ERCC8: variants seen among roughly 807,000 people sequenced by gnomAD.
The protein encoded by ERCC8 is DNA excision repair protein ERCC-8.
Under a neutral mutation model 54.9 loss-of-function variants are expected in ERCC8, and 52 were observed. The observed-to-expected ratio is 0.95, with a 90% CI of 0.76 to 1.19. The LOEUF (loss-of-function observed/expected upper bound fraction) is 1.19. ERCC8 is among the 50% of genes most tolerant of loss of function. The pLI is 0.00. For synonymous variants in ERCC8, 146 were observed against 157.2 expected, an observed-to-expected ratio of 0.93 and a Z score of 0.53; for missense variants, 514 against 466.1, an observed-to-expected ratio of 1.10 and a Z score of -0.95.
At chr5:60,877,865 C>T (rs1199427677) in intron 11 of ERCC8, among the ~76,000 whole-genome samples, 1 of 152,180 alleles carries the variant, frequency 6.6e-6, no homozygotes, top group Non-Finnish European at 1.5e-5. Context: ...CCCTTTATTT[C>T]CTTTTCCTGC....
intron 4 of ERCC8, among the ~76,000 whole-genome samples, chr5:60,909,278 A>AAAAAAAAAAG (rs1749180489): frequency 5.8e-5 from 7 of 120,738 alleles, no homozygotes; most frequent in South Asian, 2.7e-4. Flanking sequence ...AAAAAAAAAA[A>AAAAAAAAAAG]GCCACAAAGG....
chr5:60,918,471 T>G (rs918987251), intron 3 of ERCC8, 83 bp from the exon 4 acceptor site: 7 of 1,237,326 alleles, frequency 5.7e-6, no homozygotes, highest in Non-Finnish European at 8.2e-6. Flanking sequence ...AGTAGTAGTC[T>G]CAGGTAGGAT....
chr5:60,906,131 G>T (rs543892777), intron 4 of ERCC8, among the ~76,000 whole-genome samples: 8 of 152,126 alleles, frequency 5.3e-5, no homozygotes, highest in African/African-American at 1.9e-4. Context: ...TTGTGCCTCC[G>T]GAATAATGGC....
Position 60,869,315 on chromosome 5 carries a change from T to A in ERCC8, c.*5300A>T, listed in dbSNP as rs889249499. 2.0e-5 allele frequency among the ~76,000 whole-genome samples: 3 copies of A among 152,216 alleles called. No individual in the cohort carries two copies. Among genetic ancestry groups the A allele is most frequent in the African/African-American group, 7.2e-5 (3 of 41,470 alleles). ...CCATTGTGAAATAGTGATTTTGCTT[T>A]GAAAAATAATTGAGATTAGTTTGCT... On this transcript the variant is annotated 3_prime_UTR_variant, in exon 12 of 12. Transcript: ENST00000676185.
At chr5:60,903,371 A>G in intron 6 of ERCC8, 1 of 384,836 alleles carries the variant, frequency 2.6e-6, no homozygotes, top group Admixed American at 4.4e-5. Context: ...GAGTTGCATT[A>G]GTCTTTTTAA....
chr5:60,927,932 C>T (rs980678048), intron 2 of ERCC8, among the ~76,000 whole-genome samples: 1 of 152,150 alleles, frequency 6.6e-6, no homozygotes, highest in East Asian at 1.9e-4. Flanking sequence ...TCTGACTTGA[C>T]TTAATGTATT....
intron 1 of ERCC8, among the ~76,000 whole-genome samples, chr5:60,942,433 T>C (rs1168298051): frequency 6.6e-6 from 1 of 152,152 alleles, no homozygotes; most frequent in Non-Finnish European, 1.5e-5. Flanking sequence ...AGATAAACTG[T>C]GGTATATCTG....
chr5:60,921,648 T>C (rs1316230596), intron 3 of ERCC8, among the ~76,000 whole-genome samples: 1 of 151,888 alleles, frequency 6.6e-6, no homozygotes, highest in East Asian at 1.9e-4. Flanking sequence ...TTAGTATATC[T>C]AAACCTTTTT....
chr5:60,876,590 T>C (rs2112455037), intron 11 of ERCC8, among the ~76,000 whole-genome samples: 1 of 152,336 alleles, frequency 6.6e-6, no homozygotes, highest in East Asian at 1.9e-4. Context: ...TGTGAGATGG[T>C]ATCTCATTGT....
intron 4 of ERCC8, among the ~76,000 whole-genome samples, chr5:60,906,730 A>AAAATAAAT (rs142093470): frequency 4.0e-5 from 6 of 149,826 alleles, no homozygotes; most frequent in African/African-American, 9.9e-5. Context: ...CTCTGTCTCA[A>AAAATAAAT]AAATAAATAA....
chr5:60,904,748 A>G, intron 5 of ERCC8, 44 bp downstream of exon 5: 1 of 1,244,984 alleles, frequency 8.0e-7, no homozygotes. Flanking sequence ...AAAAAGGGAG[A>G]AAGTTTTCAG....
intron 3 of ERCC8, 111 bp downstream of exon 3, chr5:60,921,943 G>T: frequency 1.5e-6 from 1 of 675,118 alleles, no homozygotes. Context: ...TGTGTTATGT[G>T]AACCATTCGC....
Position 60,874,616 on chromosome 5 carries a change from C to T in ERCC8, c.1190G>A (p.Ter397=), listed in dbSNP as rs1747942027. The T allele has an allele frequency of 6.2e-7, 1 of 1,612,820 alleles. No individual in the cohort carries two copies. The highest frequency in any genetic ancestry group is 8.5e-7 in the Non-Finnish European group (1 of 1,179,354). The part of the protein sequence containing the change: ...DAWSSSDEEG[*] Reference sequence around the variant, plus strand: ...ACAAAAAGGTACTAAAGATGATATTCATCCTTCTTCATCACTGCTGCTCCA... The same window carrying T: ...ACAAAAAGGTACTAAAGATGATATTTATCCTTCTTCATCACTGCTGCTCCA... The change falls in exon 12 of 12, where the codon TGA becomes TAA. Residue 397 remains the stop codon, a stop_retained_variant. Transcript: ENST00000676185.
chr5:60,923,646 T>A (rs1749664782), intron 2 of ERCC8, among the ~76,000 whole-genome samples: 1 of 152,136 alleles, frequency 6.6e-6, no homozygotes, highest in Non-Finnish European at 1.5e-5. Context: ...CTTTCTTTAG[T>A]ATACTTATTT....
intron 9 of ERCC8, chr5:60,891,888 T>C (rs1399430541): frequency 2.2e-6 from 1 of 461,904 alleles, no homozygotes; most frequent in African/African-American, 2.0e-5. Context: ...CCCGTCCCAC[T>C]GGAACTGGTG....
At chr5:60,882,990 CACACACACACACACAT>C (rs1190493977) in intron 11 of ERCC8, among the ~76,000 whole-genome samples, 2 of 151,426 alleles carry the variant, frequency 1.3e-5, no homozygotes, top group African/African-American at 2.4e-5. Context: ...CACACACACA[CACACACACACACACAT>C]GTCTGTAGGT....
At chr5:60,874,796 G>A in intron 11 of ERCC8, 113 bp from the exon 12 acceptor site, 2 of 836,060 alleles carry the variant, frequency 2.4e-6, no homozygotes, top group Non-Finnish European at 1.9e-6. Flanking sequence ...ACATTATTTT[G>A]GAAGAAAATG....
rs1348265140 is a variant in ERCC8, at chr5:60,887,510, C to A, written c.1052G>T (p.Ser351Ile). ...VFQSNFQELYSGSRDCNILAW... is the reference protein window; with the variant it reads ...VFQSNFQELYIGSRDCNILAW... ...CAGAATGTTGCAGTCTCTGCTACCACTATAAAGTTCCTATAACATAGAAGG... is the reference window on the plus strand; with the variant it reads ...CAGAATGTTGCAGTCTCTGCTACCAATATAAAGTTCCTATAACATAGAAGG... Residue 351 changes from serine to isoleucine, a missense_variant, in exon 11 of 12, where the codon AGT becomes ATT. By Grantham distance (142) the Ser-to-Ile change is moderately radical. Coordinates refer to ENST00000676185, the MANE Select transcript of ERCC8 (RefSeq NM_000082.4). The A allele has an allele frequency of 6.2e-7, 1 of 1,613,316 alleles. No homozygotes were observed. The highest frequency in any genetic ancestry group is 8.5e-7 in the Non-Finnish European group (1 of 1,179,434).
intron 4 of ERCC8, chr5:60,917,641 T>C (rs901432956): frequency 6.6e-6 from 1 of 152,248 alleles, no homozygotes; most frequent in African/African-American, 2.4e-5. Flanking sequence ...TTTAATGAGA[T>C]GTGATCATGT....
Sources: gnomAD v4.1 joint callset for allele counts (sites outside exome capture counted in the v4.1 genomes callset) on GRCh38, gnomAD v4.1.1 for gene constraint, MANE v1.5 for transcripts, NCBI Gene and HGNC (gene_info 2026-07-23, HGNC 2026-07-21) for gene names.